The following PRDM16 variants were observed in gnomAD, a reference collection of about 807,000 sequenced individuals.
PRDM16 encodes PR/SET domain 16, also known as histone-lysine N-methyltransferase PRDM16.
Under a neutral mutation model 110.6 loss-of-function variants are expected in PRDM16, and 23 were observed. The ratio of observed to expected loss-of-function variants is 0.21; its 90% CI spans 0.15 to 0.29. PRDM16 has a LOEUF of 0.29. Ranked by LOEUF, PRDM16 falls within the 10% of genes least tolerant of loss-of-function variation. The pLI, the probability that PRDM16 is intolerant of heterozygous loss-of-function variation, is 1.00. For missense variants in PRDM16, 1,615 were observed against 1,794.3 expected (o/e 0.90, Z 1.81); for synonymous variants, 799 against 781.8 (o/e 1.02, Z -0.37).
At chr1:3,398,718 G>T (rs998031323) in intron 5 of PRDM16, among the ~76,000 whole-genome samples, 1 of 152,246 alleles carries the variant, frequency 6.6e-6, no homozygotes, top group African/African-American at 2.4e-5. Flanking sequence ...CAAGTGAGGC[G>T]CAGATATGAC....
At chr1:3,108,632 G>A (rs1451362175) in intron 1 of PRDM16, among the ~76,000 whole-genome samples, 1 of 152,184 alleles carries the variant, frequency 6.6e-6, no homozygotes, top group Non-Finnish European at 1.5e-5. Context: ...TTTTGGAGGG[G>A]TGGAGGAAAC....
intron 11 of PRDM16, 90 bp downstream of exon 11, chr1:3,418,087 C>CA (rs1638320403): frequency 4.4e-6 from 5 of 1,124,146 alleles, no homozygotes; most frequent in East Asian, 2.6e-5. Flanking sequence ...AGGAAAAACT[C>CA]AGAGTCCCGG....
chr1:3,359,638 C>T lies in PRDM16; in HGVS notation c.439-25514C>T, dbSNP rs536772478. ...TTTATCCTCCTCAGCACTCACAGCC[C>T]CATCTCTCTGGGCCTTGTCTTAAAG... On this transcript the variant is annotated intron_variant, in intron 3 of 16. Coordinates refer to ENST00000270722, the MANE Select transcript of PRDM16 (RefSeq NM_022114.4). This position sits in a 1 kb window ranked among gnomAD's most constrained non-coding sequence, Gnocchi z 4.3. Among the ~76,000 whole-genome samples, 22 of 152,294 alleles carry T rather than the reference C, an allele frequency of 1.4e-4. No homozygotes were observed. The highest frequency in any genetic ancestry group is 5.1e-4 in the African/African-American group (21 of 41,566).
intron 1 of PRDM16, among the ~76,000 whole-genome samples, chr1:3,099,032 A>G (rs1331519723): frequency 6.6e-6 from 1 of 152,214 alleles, no homozygotes; most frequent in Non-Finnish European, 1.5e-5. Context: ...CACCCACTCC[A>G]TCAAGCCCCA....
chr1:3,355,029 G>T (rs902383423), intron 3 of PRDM16, among the ~76,000 whole-genome samples: 2 of 152,166 alleles, frequency 1.3e-5, no homozygotes, highest in African/African-American at 4.8e-5. Flanking sequence ...TGAGCACCAG[G>T]GGGGAACCCA....
At chr1:3,332,132 T>C (rs1389766589) in intron 3 of PRDM16, among the ~76,000 whole-genome samples, 1 of 152,246 alleles carries the variant, frequency 6.6e-6, no homozygotes. Flanking sequence ...CAGCCCCATT[T>C]TCAGGCTCCG....
intron 1 of PRDM16, among the ~76,000 whole-genome samples, chr1:3,116,023 C>T (rs769072349): frequency 1.4e-4 from 21 of 152,290 alleles, no homozygotes; most frequent in Admixed American, 2.6e-4. Context: ...CCCCAGGGGG[C>T]GGGGCTCGAT....
chr1:3,387,834 A>G (rs1419072236), intron 4 of PRDM16, among the ~76,000 whole-genome samples: 1 of 152,264 alleles, frequency 6.6e-6, no homozygotes, highest in Non-Finnish European at 1.5e-5. Flanking sequence ...AAACACTACA[A>G]ATATGAAAAA....
chr1:3,354,384 C>T (rs1303676527), intron 3 of PRDM16, among the ~76,000 whole-genome samples: 1 of 149,426 alleles, frequency 6.7e-6, no homozygotes, highest in African/African-American at 2.5e-5. Flanking sequence ...CGCTTGAATC[C>T]AGGAGGCAGA....
intron 3 of PRDM16, among the ~76,000 whole-genome samples, chr1:3,258,534 A>G (rs1296704009): frequency 2.0e-5 from 3 of 152,222 alleles, no homozygotes; most frequent in African/African-American, 7.2e-5. Context: ...TTTCTCCAGT[A>G]TAGTGTTGAT....
rs1430509623 is a variant in PRDM16, at chr1:3,358,118, C to G, written c.439-27034C>G. On this transcript the variant is annotated intron_variant, in intron 3 of 16. Coordinates refer to ENST00000270722, the MANE Select transcript of PRDM16 (RefSeq NM_022114.4). The surrounding 1 kb of genome is among the most constrained non-coding windows in gnomAD (Gnocchi z 4.0). ...CGCGTGGGTCCATCCCGGAACCACACAGTGGGCCTGGCCATGACCCCCTTG... is the reference window on the plus strand; with the variant it reads ...CGCGTGGGTCCATCCCGGAACCACAGAGTGGGCCTGGCCATGACCCCCTTG... 6.6e-6 allele frequency among the ~76,000 whole-genome samples: 1 copy of G among 152,238 alleles called. No individual in the cohort carries two copies. Among genetic ancestry groups the G allele is most frequent in the African/African-American group, 2.4e-5 (1 of 41,462 alleles).
At chr1:3,077,745 G>A (rs902175734) in intron 1 of PRDM16, among the ~76,000 whole-genome samples, 1 of 152,134 alleles carries the variant, frequency 6.6e-6, no homozygotes. Flanking sequence ...CAGGCTGCAG[G>A]TGCTCACAGG....
At chr1:3,122,496 G>A (rs1045054341) in intron 1 of PRDM16, among the ~76,000 whole-genome samples, 8 of 152,164 alleles carry the variant, frequency 5.3e-5, no homozygotes, top group Middle Eastern at 3.2e-3. Context: ...GAAGGTGGCC[G>A]GCCTCCCCTG....
chr1:3,430,655 G>A (rs1435205846), intron 14 of PRDM16, among the ~76,000 whole-genome samples: 1 of 152,232 alleles, frequency 6.6e-6, no homozygotes, highest in Non-Finnish European at 1.5e-5. Context: ...CGCCCCGAGC[G>A]CTTGCCCTCC....
intron 2 of PRDM16, among the ~76,000 whole-genome samples, chr1:3,235,209 G>T (rs942274414): frequency 6.6e-6 from 1 of 152,162 alleles, no homozygotes; most frequent in Non-Finnish European, 1.5e-5. Context: ...CCAGGCCCTC[G>T]GAAGCTCTGA....
intron 3 of PRDM16, among the ~76,000 whole-genome samples, chr1:3,351,677 CCT>C (rs1280444019): frequency 1.8e-5 from 1 of 54,164 alleles, no homozygotes; most frequent in African/African-American, 7.8e-5. Flanking sequence ...TTCTCCCCTC[CCT>C]CTTTCTCTCC....
chr1:3,392,047 C>T (rs149088420), intron 4 of PRDM16, among the ~76,000 whole-genome samples: 3 of 152,376 alleles, frequency 2.0e-5, no homozygotes, highest in East Asian at 3.9e-4. Flanking sequence ...GGGAGCAGCA[C>T]TGAGACCCAG....
At chr1:3,371,965 ACTGGCCTCTCC>A (rs1642915597) in intron 3 of PRDM16, among the ~76,000 whole-genome samples, 2 of 150,130 alleles carry the variant, frequency 1.3e-5, no homozygotes, top group African/African-American at 5.1e-5. Context: ...TCTGCATAGC[ACTGGCCTCTCC>A]AGAGAATAAG....
At chr1:3,292,549 C>G (rs1219094118) in intron 3 of PRDM16, among the ~76,000 whole-genome samples, 1 of 152,222 alleles carries the variant, frequency 6.6e-6, no homozygotes, top group Non-Finnish European at 1.5e-5. Flanking sequence ...CCGTGACCTT[C>G]ATTCTTGACC....
Sources: allele counts gnomAD v4.1 joint callset (sites outside exome capture counted in the v4.1 genomes callset), GRCh38; gene constraint gnomAD v4.1.1; non-coding constraint Gnocchi (gnomAD v3.1); transcripts MANE v1.5; gene names NCBI Gene and HGNC (gene_info 2026-07-23, HGNC 2026-07-21).